The following SOHLH1 variants were observed in gnomAD, a reference collection of about 807,000 sequenced individuals.
SOHLH1 encodes the protein spermatogenesis and oogenesis specific basic helix-loop-helix 1, also known as spermatogenesis- and oogenesis-specific basic helix-loop-helix-containing protein 1.
Under a neutral mutation model 36.2 loss-of-function variants are expected in SOHLH1, and 23 were observed. The observed-to-expected ratio is 0.64, with a 90% CI of 0.46 to 0.90. SOHLH1 has a LOEUF of 0.90. Among genes scored for constraint, SOHLH1 ranks in the 40% least tolerant of loss-of-function variants. The pLI is 0.00. For missense variants in SOHLH1, 608 were observed against 517.0 expected (o/e 1.18, Z -1.71); for synonymous variants, 289 against 228.3 (o/e 1.27, Z -2.40).
upstream of SOHLH1, among the ~76,000 whole-genome samples, chr9:135,701,708 C>CG (rs1835039846): frequency 7.1e-6 from 1 of 140,392 alleles, no homozygotes; most frequent in African/African-American, 2.5e-5. Flanking sequence ...CCGCAGCCTG[C>CG]GGGGGGTGTG....
intron 2 of SOHLH1, among the ~76,000 whole-genome samples, chr9:135,698,774 G>A (rs775196430): frequency 3.7e-4 from 56 of 152,356 alleles, no homozygotes; most frequent in East Asian, 5.8e-4. Flanking sequence ...GGTCACAGGT[G>A]CACAGCCTCA....
In SOHLH1 at chr9:135,697,509, G is replaced by A; in HGVS notation, c.464C>T (p.Thr155Ile). 1 of 1,610,428 alleles carries A rather than the reference G, an allele frequency of 6.2e-7. No homozygotes were observed. Among genetic ancestry groups the A allele is most frequent in the Non-Finnish European group, 8.5e-7 (1 of 1,179,314 alleles). ...PDPGTGASSG[T>I]RTPDVKAFLE... Reference sequence around the variant, plus strand: ...GCGGGCCCCAGGAGACACTAACCGAGTCCCGCTGGACGCTCCCGTCCCAGG... The same window carrying A: ...GCGGGCCCCAGGAGACACTAACCGAATCCCGCTGGACGCTCCCGTCCCAGG... The change falls in exon 4 of 8, where the codon ACT becomes ATT. Residue 155 changes from threonine (T) to isoleucine (I), a missense_variant. By Grantham distance (89) the Thr-to-Ile change is moderately conservative. Coordinates refer to ENST00000425225, the MANE Select transcript of SOHLH1 (RefSeq NM_001101677.2).
upstream of SOHLH1, among the ~76,000 whole-genome samples, chr9:135,700,984 C>T (rs1389968657): frequency 6.6e-6 from 1 of 152,212 alleles, no homozygotes; most frequent in African/African-American, 2.4e-5. Context: ...GCTAATTAAT[C>T]ACAGATGCAG....
Position 135,693,459 on chromosome 9 carries a change from T to C in SOHLH1, c.*138A>G. ...CCCTCTTTAATATTCACTATCCTCT[T>C]CTCACAGCCTGTAAGCCTCGCTCAA... On this transcript the variant is annotated 3_prime_UTR_variant, in exon 8 of 8. Transcript: ENST00000425225. 1.6e-6 allele frequency: 2 copies of C among 1,218,598 alleles called. No homozygotes were observed. Among genetic ancestry groups the C allele is most frequent in the Non-Finnish European group, 2.2e-6 (2 of 894,316 alleles). 75.5% of individuals were successfully genotyped at this position (1,218,598 alleles called of 1,614,324 possible).
In SOHLH1 at chr9:135,693,832, A is replaced by C; in HGVS notation, c.947-18T>G. On this transcript the variant is annotated intron_variant, in intron 7 of 7. Transcript: ENST00000425225. Reference sequence around the variant, plus strand: ...CAGAGACCCTGGAAGCAAACAGGACACATCGGCAGGGCAGGCAGGTGCTCT... The same window carrying C: ...CAGAGACCCTGGAAGCAAACAGGACCCATCGGCAGGGCAGGCAGGTGCTCT... The C allele has an allele frequency of 6.5e-7, 1 of 1,541,218 alleles. No homozygotes were observed. The highest frequency in any genetic ancestry group is 8.8e-7 in the Non-Finnish European group (1 of 1,137,268).
chr9:135,699,547 C>T (rs149574223), upstream of SOHLH1: 1,180 of 1,464,606 alleles, frequency 8.1e-4, 11 homozygotes, highest in African/African-American at 0.013. Flanking sequence ...GCTCTGCCCA[C>T]CTGCCACGTG....
chr9:135,697,587 T>C lies in SOHLH1; in HGVS notation c.386A>G (p.Glu129Gly), dbSNP rs757894825. ...SSKEMWHSLQ[E>G]DVLQLTLSSQ... ...CGACAACGTCAACTGTAAAACATCC[T>C]CCTGCAACGAGTGCCACATTTCCTT... Residue 129 changes from glutamate (E) to glycine (G), a missense_variant, in exon 4 of 8, where the codon GAG becomes GGG. By Grantham distance (98) the Glu-to-Gly change is moderately conservative (BLOSUM62 -2). Coordinates refer to ENST00000425225, the MANE Select transcript of SOHLH1 (RefSeq NM_001101677.2). The C allele has an allele frequency of 8.7e-6, 14 of 1,612,530 alleles. No individual in the cohort carries two copies. The Admixed American group carries it at 2.3e-4, about 27-fold the overall frequency.
At chr9:135,694,173 T>C in intron 7 of SOHLH1, 1 of 1,437,676 alleles carries the variant, frequency 7.0e-7, no homozygotes. Flanking sequence ...TCATGCAGGC[T>C]CGTCCACATC....
At chr9:135,695,576 G>A (rs1306031417) in intron 5 of SOHLH1, among the ~76,000 whole-genome samples, 4 of 152,102 alleles carry the variant, frequency 2.6e-5, no homozygotes, top group Admixed American at 2.0e-4. Flanking sequence ...CCCGGACCTC[G>A]AGCTCTGCCC....
At chr9:135,693,844 C>A (rs759021754) in intron 7 of SOHLH1, 30 bp from the exon 8 acceptor site, 1 of 1,529,310 alleles carries the variant, frequency 6.5e-7, no homozygotes, top group South Asian at 1.2e-5. Flanking sequence ...ATCGGCAGGG[C>A]AGGCAGGTGC....
In SOHLH1 at chr9:135,695,221, G is replaced by A; in HGVS notation, c.704C>T (p.Pro235Leu). 3 of 1,604,440 alleles carry A rather than the reference G, an allele frequency of 1.9e-6. No individual in the cohort carries two copies. Among genetic ancestry groups the A allele is most frequent in the Non-Finnish European group, 2.5e-6 (3 of 1,177,132 alleles). ...GGACAGGGGTGGCCTCACAGCCTTA[G>A]GAAGACTCCGGCCTGGGGGCCACGG... ...LVPWPPGRSL[P>L]KAVRPPLSWP... Residue 235 changes from proline to leucine, a missense_variant, in exon 6 of 8, where the codon CCT becomes CTT. Physicochemically the swap from Pro to Leu is moderately conservative, Grantham distance 98. Coordinates refer to ENST00000425225, the MANE Select transcript of SOHLH1 (RefSeq NM_001101677.2).
intron 7 of SOHLH1, 86 bp downstream of exon 7, chr9:135,694,299 GAC>G (rs1477387380): frequency 2.5e-6 from 4 of 1,598,686 alleles, no homozygotes; most frequent in Non-Finnish European, 3.4e-6. Flanking sequence ...GGGGCCCCCT[GAC>G]ACACGCTAGG....
chr9:135,694,995 ACACACACATGCTCGCTCACG>A, intron 6 of SOHLH1, 35 bp downstream of exon 6: 2 of 1,514,526 alleles, frequency 1.3e-6, no homozygotes, highest in Non-Finnish European at 1.8e-6. Flanking sequence ...GGACAGGCTC[ACACACACATGCTCGCTCACG>A]CACACACAGG....
In SOHLH1 at chr9:135,695,069, T is replaced by A. The variant is rs766293252; in HGVS notation, c.856A>T (p.Met286Leu). 1.3e-5 allele frequency: 21 copies of A among 1,597,264 alleles called. No homozygotes were observed. In the South Asian group the frequency reaches 2.2e-4, roughly 16 times the overall value. The change falls in exon 6 of 8, where the codon ATG becomes TTG. Residue 286 changes from methionine to leucine, a missense_variant. Physicochemically the swap from Met to Leu is conservative, Grantham distance 15. Coordinates refer to ENST00000425225, the MANE Select transcript of SOHLH1 (RefSeq NM_001101677.2). ...ACTCACCCGGCCTCCTGCGCCAGCA[T>A]GGGGTCCTCCTTGGCTGGCTCCCCC... ...PLGEPAKEDP[M>L]LAQEAGSALG...
rs774629157 is a variant in SOHLH1, at chr9:135,699,035, A to G, written c.157T>C (p.Ser53Pro). 8 of 1,611,540 alleles carry G rather than the reference A, an allele frequency of 5.0e-6. No homozygotes were observed. The South Asian group carries it at 8.8e-5, about 18-fold the overall frequency. ...KAPTVAEGPS[S>P]CLRRNVISER... is the part of the protein sequence containing the mutation. ...CTGATCACGTTCCGCCGAAGGCAGG[A>G]GCTGGGACCCTCGGCCACCGTAGGG... Residue 53 changes from serine to proline, a missense_variant, in exon 2 of 8, where the codon TCC becomes CCC. Physicochemically the swap from Ser to Pro is moderately conservative, Grantham distance 74. Transcript: ENST00000425225.
rs527801557 is a variant in SOHLH1 at position 135,698,614 on chromosome 9, C to G, written c.198-138G>C. On this transcript the variant is annotated intron_variant, in intron 2 of 7. Transcript: ENST00000425225. Reference sequence around the variant, plus strand: ...CTACAAGATGACTCAGAGCTGCCCCCGTGGTCTGAAGCCCCGAGATCCACA... The same window carrying G: ...CTACAAGATGACTCAGAGCTGCCCCGGTGGTCTGAAGCCCCGAGATCCACA... The G allele has an allele frequency of 5.7e-5, 74 of 1,290,700 alleles. No homozygotes were observed. In the African/African-American group the frequency reaches 7.7e-4, roughly 13 times the overall value. The allele number at this position is 1,290,700 out of a possible 1,614,324, so 80.0% of individuals were successfully genotyped here.
chr9:135,696,294 C>T, intron 5 of SOHLH1, among the ~76,000 whole-genome samples: 1 of 152,146 alleles, frequency 6.6e-6, no homozygotes, highest in Non-Finnish European at 1.5e-5. Flanking sequence ...CCCTCCCTTC[C>T]CTGGAGCACA....
At chr9:135,699,633 C>A (rs576319969), upstream of SOHLH1, 4 of 736,024 alleles carry the variant, frequency 5.4e-6, no homozygotes, top group Middle Eastern at 3.7e-4. Context: ...CCCCACGCAG[C>A]CAGCCCGGGG....
chr9:135,696,072 C>T (rs1335032261), intron 5 of SOHLH1, among the ~76,000 whole-genome samples: 1 of 109,750 alleles, frequency 9.1e-6, no homozygotes, highest in Non-Finnish European at 1.9e-5. Flanking sequence ...CCGAGTCCCT[C>T]TACCTCCCCA....
Sources: allele counts gnomAD v4.1 joint callset (sites outside exome capture counted in the v4.1 genomes callset), GRCh38; gene constraint gnomAD v4.1.1; transcripts MANE v1.5; gene names NCBI Gene and HGNC (gene_info 2026-07-23, HGNC 2026-07-21).